Variants in AK7 observed in about 807,000 individuals in gnomAD.
The protein encoded by AK7 is adenylate kinase 7.
AK7 carries 78 observed loss-of-function variants against 96.6 expected under a neutral mutation model. The ratio of observed to expected loss-of-function variants is 0.81; its 90% CI spans 0.67 to 0.97. The LOEUF is 0.97. Ranked by LOEUF, AK7 falls within the 50% of genes least tolerant of loss-of-function variation. AK7 has a pLI of 0.00. For synonymous variants in AK7, 302 were observed against 317.2 expected, an observed-to-expected ratio of 0.95 and a Z score of 0.51; for missense variants, 855 against 887.9, an observed-to-expected ratio of 0.96 and a Z score of 0.47.
At chr14:96,414,029 T>C (rs1891188003) in intron 4 of AK7, among the ~76,000 whole-genome samples, 1 of 152,228 alleles carries the variant, frequency 6.6e-6, no homozygotes, top group Non-Finnish European at 1.5e-5. Context: ...AATTTTGGGA[T>C]GTGGGATGTA....
At position 96,478,580 on chromosome 14, in the gene AK7, G is replaced by A. The variant is rs1461290954; in HGVS notation, c.1671G>A (p.Leu557=). 30 of 1,614,198 alleles carry A rather than the reference G, an allele frequency of 1.9e-5. No homozygotes were observed. The highest frequency in any genetic ancestry group is 2.5e-5 in the Non-Finnish European group (29 of 1,180,030). The part of the protein sequence containing the change: ...HYSQDRFLRA[L]SNYRDINIDD... ...GCCAAGACCGATTCCTCCGGGCTCTGAGCAACTACCGGGACATCAATATCG... is the reference window on the plus strand; with the variant it reads ...GCCAAGACCGATTCCTCCGGGCTCTAAGCAACTACCGGGACATCAATATCG... The change falls in exon 15 of 18, where the codon CTG becomes CTA. Residue 557 remains leucine, a synonymous_variant. Transcript: ENST00000267584.
chr14:96,460,633 G>T (rs1381208113), intron 12 of AK7, among the ~76,000 whole-genome samples: 1 of 152,150 alleles, frequency 6.6e-6, no homozygotes, highest in African/African-American at 2.4e-5. Context: ...TGCCATAGAG[G>T]TTGTCCTCTT....
chr14:96,479,703 G>A (rs1001695776), intron 15 of AK7, among the ~76,000 whole-genome samples: 16 of 152,172 alleles, frequency 1.1e-4, no homozygotes, highest in Non-Finnish European at 2.2e-4. Flanking sequence ...TTTCACAGCT[G>A]CTGCTACTTC....
chr14:96,422,424 A>C (rs892823482), intron 5 of AK7, among the ~76,000 whole-genome samples: 8 of 152,214 alleles, frequency 5.3e-5, no homozygotes, highest in Non-Finnish European at 7.3e-5. Flanking sequence ...AGAAGGGAGT[A>C]TGCCTTAACC....
chr14:96,396,892 C>G lies in AK7; in HGVS notation c.106-1183C>G, dbSNP rs531570177. ...TTTAAATGTGGTTAGTCCACACCAG[C>G]CTGGGCAACAACAGCAATACCCCAT... On this transcript the variant is annotated intron_variant, in intron 1 of 17. Transcript: ENST00000267584. 3.3e-5 allele frequency among the ~76,000 whole-genome samples: 5 copies of G among 152,240 alleles called. No homozygotes were observed. In the East Asian group the frequency reaches 9.7e-4, roughly 29 times the overall value.
chr14:96,433,034 G>A (rs1161665356), intron 5 of AK7, among the ~76,000 whole-genome samples: 1 of 152,176 alleles, frequency 6.6e-6, no homozygotes. Flanking sequence ...TCTGCCGAGA[G>A]GTCTGCTGTT....
At chr14:96,449,990 G>A in intron 9 of AK7, 111 bp downstream of exon 9, 5 of 830,138 alleles carry the variant, frequency 6.0e-6, no homozygotes, top group African/African-American at 1.7e-5. Flanking sequence ...GATCTGTGAG[G>A]GATTTGGAGT....
intron 1 of AK7, among the ~76,000 whole-genome samples, chr14:96,395,547 A>AGGAAT (rs563770302): frequency 1.8e-3 from 273 of 152,054 alleles, no homozygotes; most frequent in African/African-American, 6.2e-3. Context: ...GATTGAGATT[A>AGGAAT]GGAATGAAGG....
chr14:96,472,802 C>G, intron 14 of AK7, 47 bp downstream of exon 14: 1 of 1,529,166 alleles, frequency 6.5e-7, no homozygotes. Flanking sequence ...GTTCTCTGGG[C>G]TGGGCGTGGT....
chr14:96,410,453 G>A (rs181437609), intron 4 of AK7, among the ~76,000 whole-genome samples: 4 of 152,304 alleles, frequency 2.6e-5, no homozygotes, highest in East Asian at 1.9e-4. Flanking sequence ...AGGATTCAAC[G>A]ATGTCCTCAG....
chr14:96,486,811 T>C, intron 16 of AK7, 87 bp from the exon 17 acceptor site: 1 of 1,203,996 alleles, frequency 8.3e-7, no homozygotes, highest in Non-Finnish European at 1.2e-6. Flanking sequence ...TTTCTAGCAG[T>C]GTCTCAATGC....
At chr14:96,431,134 T>G (rs1490888871) in intron 5 of AK7, among the ~76,000 whole-genome samples, 1 of 152,186 alleles carries the variant, frequency 6.6e-6, no homozygotes, top group Non-Finnish European at 1.5e-5. Flanking sequence ...TTGCATCTAT[T>G]TGATTCTTCT....
intron 4 of AK7, among the ~76,000 whole-genome samples, chr14:96,416,617 C>A: frequency 6.6e-6 from 1 of 152,238 alleles, no homozygotes; most frequent in Middle Eastern, 3.4e-3. Flanking sequence ...GAAAGGATCA[C>A]GGCTGTAACC....
At chr14:96,462,919 C>A (rs912253291) in intron 12 of AK7, among the ~76,000 whole-genome samples, 1 of 152,172 alleles carries the variant, frequency 6.6e-6, no homozygotes, top group East Asian at 1.9e-4. Context: ...GGGCGGATCA[C>A]GAGGTCAGAA....
At chr14:96,444,671 A>G (rs1490988601) in intron 7 of AK7, among the ~76,000 whole-genome samples, 1 of 152,186 alleles carries the variant, frequency 6.6e-6, no homozygotes, top group Non-Finnish European at 1.5e-5. Flanking sequence ...CTTATGGCAA[A>G]AAGTAGCCTA....
Position 96,478,616 on chromosome 14 carries a change from T to G in AK7, c.1707T>G (p.Thr569=). The part of the protein sequence containing the change: ...NYRDINIDDE[T]VFNYFDELEI... ...GGGACATCAATATCGACGATGAGAC[T>G]GTCTTCAACTATTTTGATGAACTTG... The change falls in exon 15 of 18, where the codon ACT becomes ACG. Residue 569 remains threonine, a synonymous_variant. Coordinates refer to ENST00000267584, the MANE Select transcript of AK7 (RefSeq NM_152327.5). The G allele has an allele frequency of 6.2e-7, 1 of 1,614,224 alleles. No homozygotes were observed. The highest frequency in any genetic ancestry group is 8.5e-7 in the Non-Finnish European group (1 of 1,180,042).
chr14:96,445,743 G>A (rs1404789233), intron 7 of AK7, among the ~76,000 whole-genome samples: 5 of 152,178 alleles, frequency 3.3e-5, no homozygotes, highest in East Asian at 3.9e-4. Flanking sequence ...ATTTGGAAGC[G>A]TGCATTCGAT....
chr14:96,415,197 G>C (rs1206486748), intron 4 of AK7, among the ~76,000 whole-genome samples: 2 of 152,104 alleles, frequency 1.3e-5, no homozygotes, highest in East Asian at 3.9e-4. Flanking sequence ...GCTCACACCT[G>C]TAACCCCAGC....
intron 6 of AK7, among the ~76,000 whole-genome samples, chr14:96,442,397 T>C (rs1261509572): frequency 6.6e-6 from 1 of 152,248 alleles, no homozygotes; most frequent in African/African-American, 2.4e-5. Flanking sequence ...TGCGTATAGC[T>C]ACTAAATACG....
Sources: allele counts gnomAD v4.1 joint callset (sites outside exome capture counted in the v4.1 genomes callset), GRCh38; gene constraint gnomAD v4.1.1; transcripts MANE v1.5; gene names NCBI Gene and HGNC (gene_info 2026-07-23, HGNC 2026-07-21).